ADAM22: variants seen among roughly 807,000 people sequenced by gnomAD.
ADAM22 encodes disintegrin and metalloproteinase domain-containing protein 22.
In ADAM22, 65 loss-of-function variants were observed where a neutral mutation model predicts 144.6. The observed-to-expected ratio is 0.45, with a 90% confidence interval of 0.37 to 0.55. The LOEUF (loss-of-function observed/expected upper bound fraction) is 0.55, where lower values mean the gene tolerates loss of function less well. Among genes scored for constraint, ADAM22 ranks in the 20% least tolerant of loss-of-function variants. The pLI is 0.00. For missense variants in ADAM22, 974 were observed against 1,184.9 expected, an observed-to-expected ratio of 0.82 and a Z score of 2.61; for synonymous variants, 391 against 412.6, an observed-to-expected ratio of 0.95 and a Z score of 0.63.
chr7:88,004,864 A>AT (rs1439303735), intron 3 of ADAM22, among the ~76,000 whole-genome samples: 1 of 151,990 alleles, frequency 6.6e-6, no homozygotes, highest in Non-Finnish European at 1.5e-5. Context: ...AGAAAATGAC[A>AT]TTTTTTCCAA....
chr7:87,946,149 T>G (rs765831673), intron 2 of ADAM22, among the ~76,000 whole-genome samples: 2 of 152,162 alleles, frequency 1.3e-5, no homozygotes, highest in Non-Finnish European at 2.9e-5. Context: ...GAGCATTTTT[T>G]TTACTTGTTT....
At chr7:88,103,357 T>A (rs555355056) in intron 4 of ADAM22, among the ~76,000 whole-genome samples, 7 of 152,296 alleles carry the variant, frequency 4.6e-5, no homozygotes, top group Admixed American at 4.6e-4. Context: ...GAGATTTTGC[T>A]ATCTGTTTAA....
chr7:88,178,946 A>G lies in ADAM22; in HGVS notation c.2312A>G (p.Gln771Arg). ...KNYREQRQLP[Q>R]GDYVKKPGDG... ...TTATTATGCCTTAGACAGTTACCCC[A>G]GGGAGATTATGTAAAAAAGCCTGGA... The change falls in exon 27 of 32, where the codon CAG (glutamine) becomes CGG (arginine). Residue 771 changes from glutamine (Q) to arginine (R), a missense_variant. Around this residue, in one of 2 missense-constraint regions of ADAM22, gnomAD observed 734 missense variants for 950.6 expected, o/e 0.77. Transcript: ENST00000413139. 1.2e-6 allele frequency: 2 copies of G among 1,610,652 alleles called. No individual in the cohort carries two copies. The highest frequency in any genetic ancestry group is 1.3e-5 in the African/African-American group (1 of 74,814).
Position 88,130,420 on chromosome 7 carries a change from C to A in ADAM22, c.786C>A (p.Thr262=). 1 of 1,613,190 alleles carries A rather than the reference C, an allele frequency of 6.2e-7. No individual in the cohort carries two copies. The highest frequency in any genetic ancestry group is 2.2e-5 in the East Asian group (1 of 44,840). The change falls in exon 10 of 32, where the codon ACC becomes ACA. Residue 262 remains threonine (T), a synonymous_variant. Coordinates refer to ENST00000413139, the MANE Select transcript of ADAM22 (RefSeq NM_001324418.2). ...AACATCGGCTTTCCGTTGTACATAC[C>A]AATACCTATGCGAAATCTGTGGTGA... ...FKKHRLSVVH[T]NTYAKSVVNM...
chr7:88,012,676 A>T (rs758175835), intron 3 of ADAM22, among the ~76,000 whole-genome samples: 1 of 152,124 alleles, frequency 6.6e-6, no homozygotes, highest in Non-Finnish European at 1.5e-5. Context: ...AGCCCTGTTC[A>T]TGTGCTGGTA....
At chr7:88,026,887 G>T (rs1799144258) in intron 3 of ADAM22, among the ~76,000 whole-genome samples, 1 of 152,104 alleles carries the variant, frequency 6.6e-6, no homozygotes, top group Admixed American at 6.6e-5. Context: ...CTATCATGTT[G>T]TGGTTTGTTT....
In ADAM22 at chr7:88,128,786, G is replaced by A. The variant is rs145616169; in HGVS notation, c.753+110G>A. 8.5e-4 allele frequency: 649 copies of A among 762,358 alleles called. 5 individuals carry two copies. The African/African-American group carries it at 0.011, about 12-fold the overall frequency. The allele number at this position is 762,358 out of a possible 1,614,324, so 47.2% of individuals were successfully genotyped here. On this transcript the variant is annotated intron_variant, in intron 9 of 31. Transcript: ENST00000413139. ...CCCATCAAGTTGTAACCTGGAGAAGGTATTTGTATAATCAAATATATTTGT... is the reference window on the plus strand; with the variant it reads ...CCCATCAAGTTGTAACCTGGAGAAGATATTTGTATAATCAAATATATTTGT...
At chr7:88,062,856 G>A (rs1810259554) in intron 3 of ADAM22, among the ~76,000 whole-genome samples, 1 of 152,156 alleles carries the variant, frequency 6.6e-6, no homozygotes, top group Non-Finnish European at 1.5e-5. Flanking sequence ...TGCCTGTGGA[G>A]AGGGAGGGAG....
intron 26 of ADAM22, among the ~76,000 whole-genome samples, chr7:88,176,265 A>C (rs757216436): frequency 6.6e-6 from 1 of 152,184 alleles, no homozygotes; most frequent in East Asian, 1.9e-4. Context: ...CTTTAACGAA[A>C]TTCATAACCT....
intron 8 of ADAM22, among the ~76,000 whole-genome samples, chr7:88,127,665 T>G (rs912652637): frequency 3.3e-5 from 5 of 151,912 alleles, no homozygotes; most frequent in Non-Finnish European, 7.4e-5. Context: ...TTAAAGTTGG[T>G]TTTAACTGCA....
At chr7:88,051,582 A>G (rs931539400) in intron 3 of ADAM22, among the ~76,000 whole-genome samples, 5 of 152,170 alleles carry the variant, frequency 3.3e-5, no homozygotes, top group African/African-American at 7.2e-5. Flanking sequence ...GGATAGCATT[A>G]GGAGATATAC....
chr7:87,940,911 T>G (rs909090839), intron 2 of ADAM22, among the ~76,000 whole-genome samples: 1 of 152,236 alleles, frequency 6.6e-6, no homozygotes, highest in Non-Finnish European at 1.5e-5. Flanking sequence ...CTACTGAGTC[T>G]TATTGATGGT....
chr7:88,005,074 C>T (rs995552920), intron 3 of ADAM22, among the ~76,000 whole-genome samples: 5 of 152,020 alleles, frequency 3.3e-5, no homozygotes, highest in South Asian at 2.1e-4. Context: ...ATGGGAGGAT[C>T]GCTTAAGCCT....
chr7:87,948,005 T>A (rs1043269137), intron 2 of ADAM22, among the ~76,000 whole-genome samples: 10 of 152,296 alleles, frequency 6.6e-5, no homozygotes, highest in African/African-American at 2.4e-4. Flanking sequence ...CCCCCAACAT[T>A]ACATCAGGTT....
intron 26 of ADAM22, among the ~76,000 whole-genome samples, chr7:88,176,771 T>A (rs560493877): frequency 1.3e-5 from 2 of 152,280 alleles, no homozygotes; most frequent in South Asian, 4.1e-4. Flanking sequence ...TTATTTATTT[T>A]ATTTATTTTT....
At chr7:88,067,541 G>A (rs1563143012) in intron 3 of ADAM22, among the ~76,000 whole-genome samples, 1 of 152,054 alleles carries the variant, frequency 6.6e-6, no homozygotes, top group Non-Finnish European at 1.5e-5. Flanking sequence ...AAACTTTCAT[G>A]TCTTGGTAAC....
chr7:88,060,492 T>C lies in ADAM22; in HGVS notation c.324-15134T>C, dbSNP rs543109677. Among the ~76,000 whole-genome samples the C allele has an allele frequency of 3.9e-5, 6 of 152,280 alleles. No individual in the cohort carries two copies. The South Asian group carries it at 1.2e-3, about 32-fold the overall frequency. On this transcript the variant is annotated intron_variant, in intron 3 of 31. Transcript: ENST00000413139. ...GCCTTAAAAATACACTGTTTTTGGC[T>C]GGGCGCAGTGGCTCACGCCTGTAAT...
chr7:88,195,798 T>G (rs997195965), intron 31 of ADAM22, among the ~76,000 whole-genome samples: 12 of 151,910 alleles, frequency 7.9e-5, no homozygotes, highest in Admixed American at 5.9e-4. Flanking sequence ...ATTACAGGCG[T>G]GAGCCACCAC....
chr7:88,146,474 C>A (rs1206767629), intron 17 of ADAM22, among the ~76,000 whole-genome samples: 1 of 152,090 alleles, frequency 6.6e-6, no homozygotes, highest in African/African-American at 2.4e-5. Context: ...GCTGGATAAT[C>A]CTTTGTTGTA....
Sources: gnomAD v4.1 joint callset for allele counts (sites outside exome capture counted in the v4.1 genomes callset) on GRCh38, gnomAD v4.1.1 for gene constraint, gnomAD v4.1.1 regional missense constraint, MANE v1.5 for transcripts, NCBI Gene and HGNC (gene_info 2026-07-23, HGNC 2026-07-21) for gene names.